The following RIPK4 variants were observed in gnomAD, a reference collection of about 807,000 sequenced individuals.
RIPK4 encodes receptor-interacting serine/threonine-protein kinase 4.
In RIPK4, 17 loss-of-function variants were observed where a neutral mutation model predicts 42.9. That is an observed-to-expected ratio of 0.40 (90% CI 0.27 to 0.59). The LOEUF (loss-of-function observed/expected upper bound fraction) is 0.59, where lower values mean the gene tolerates loss of function less well. Ranked by LOEUF, RIPK4 falls within the 20% of genes least tolerant of loss-of-function variation. The probability of loss-of-function intolerance (pLI) is 0.47; values close to 1 mark genes in which losing one functional copy is unlikely to be tolerated. For missense variants in RIPK4, 897 were observed against 1,104.4 expected (o/e 0.81, Z 2.66); for synonymous variants, 498 against 499.1 (o/e 1.00, Z 0.03).
At chr21:41,766,778 G>C in intron 1 of RIPK4, 82 bp downstream of exon 1, 1 of 1,415,344 alleles carries the variant, frequency 7.1e-7, no homozygotes. Flanking sequence ...GGAGAGAGAG[G>C]CAGGACCCCG....
chr21:41,749,295 TCTGAA>T, intron 3 of RIPK4, 92 bp from the exon 4 acceptor site: 1 of 1,236,638 alleles, frequency 8.1e-7, no homozygotes, highest in Non-Finnish European at 1.2e-6. Flanking sequence ...AGACACCTGT[TCTGAA>T]GCCTTCCAAA....
At chr21:41,754,707 A>G (rs1221728251) in intron 2 of RIPK4, among the ~76,000 whole-genome samples, 1 of 152,172 alleles carries the variant, frequency 6.6e-6, no homozygotes. Context: ...CCCTGTGTGA[A>G]GGCCCAGCCC....
chr21:41,741,485 C>T lies in RIPK4; in HGVS notation c.1708G>A (p.Ala570Thr). 1.2e-6 allele frequency: 2 copies of T among 1,612,620 alleles called. No individual in the cohort carries two copies. The highest frequency in any genetic ancestry group is 1.3e-5 in the African/African-American group (1 of 75,078). Residue 570 changes from alanine (A) to threonine (T), a missense_variant, in exon 8 of 8, where the codon GCC becomes ACC. Physicochemically the swap from Ala to Thr is moderately conservative, Grantham distance 58. Transcript: ENST00000332512. ...GVDVSLQGKD[A>T]WLPLHYAAWQ... ...GCAGCGTAGTGCAGTGGCAGCCAGG[C>T]ATCCTTGCCCTGCAGGCTCACGTCC...
At chr21:41,745,280 C>T (rs2061167146) in intron 6 of RIPK4, among the ~76,000 whole-genome samples, 1 of 152,212 alleles carries the variant, frequency 6.6e-6, no homozygotes, top group Admixed American at 6.5e-5. Context: ...CACAGGTCTG[C>T]TCCAGCCTCA....
intron 1 of RIPK4, among the ~76,000 whole-genome samples, chr21:41,762,966 C>T (rs868560312): frequency 1.3e-5 from 2 of 151,808 alleles, no homozygotes; most frequent in African/African-American, 2.4e-5. Flanking sequence ...TTAATTAAAA[C>T]ACAACCTAAA....
chr21:41,754,339 G>A (rs890562405), intron 2 of RIPK4, among the ~76,000 whole-genome samples: 3 of 152,152 alleles, frequency 2.0e-5, no homozygotes, highest in African/African-American at 4.8e-5. Flanking sequence ...GGTATTTTTC[G>A]GTTTGTTTTT....
intron 6 of RIPK4, 30 bp downstream of exon 6, chr21:41,745,729 C>G: frequency 6.4e-7 from 1 of 1,564,276 alleles, no homozygotes; most frequent in Non-Finnish European, 8.8e-7. Flanking sequence ...GCCGAGGAGA[C>G]AAAAGACCCC....
chr21:41,752,014 A>G (rs1369189237), intron 2 of RIPK4, among the ~76,000 whole-genome samples: 1 of 151,658 alleles, frequency 6.6e-6, no homozygotes, highest in South Asian at 2.1e-4. Flanking sequence ...GTGACCTTGG[A>G]GCTCACTGGG....
At chr21:41,752,237 C>T (rs2061190732) in intron 2 of RIPK4, among the ~76,000 whole-genome samples, 1 of 152,162 alleles carries the variant, frequency 6.6e-6, no homozygotes, top group African/African-American at 2.4e-5. Flanking sequence ...TTTAAAAACC[C>T]TTTTCATTAA....
At position 41,743,932 on chromosome 21, in the gene RIPK4, G is replaced by A. The variant is rs1231574122; in HGVS notation, c.1145C>T (p.Ser382Phe). ...SGVSSVDSAF[S>F]SRGSLSLSFE... ...GGACAGCGACAGTGATCCTCTGGAA[G>A]AGAAGGCGGAGTCCACCGAGGACAC... The change falls in exon 7 of 8, where the codon TCT becomes TTT. Residue 382 changes from serine to phenylalanine, a missense_variant. Coordinates refer to ENST00000332512, the MANE Select transcript of RIPK4 (RefSeq NM_020639.3). 2 of 1,612,900 alleles carry A rather than the reference G, an allele frequency of 1.2e-6. No homozygotes were observed.
intron 1 of RIPK4, among the ~76,000 whole-genome samples, chr21:41,762,077 G>A (rs555974324): frequency 2.0e-5 from 3 of 152,166 alleles, no homozygotes; most frequent in Non-Finnish European, 2.9e-5. Flanking sequence ...ATCTCCTAAC[G>A]GAGTCCACCC....
At chr21:41,745,616 T>G in intron 6 of RIPK4, 143 bp downstream of exon 6, 1 of 642,940 alleles carries the variant, frequency 1.6e-6, no homozygotes, top group South Asian at 1.9e-5. Context: ...GGACCTACAC[T>G]TCTAATGGAG....
intron 1 of RIPK4, among the ~76,000 whole-genome samples, chr21:41,758,132 T>C (rs2061210870): frequency 6.7e-6 from 1 of 148,392 alleles, no homozygotes; most frequent in South Asian, 2.1e-4. Context: ...TTCACAGGTG[T>C]ACAATTCCCT....
intron 1 of RIPK4, among the ~76,000 whole-genome samples, chr21:41,762,841 G>A (rs1406789187): frequency 6.6e-6 from 1 of 152,174 alleles, no homozygotes; most frequent in Non-Finnish European, 1.5e-5. Context: ...TGGGGTGGCG[G>A]CCAGGGAGCA....
intron 1 of RIPK4, among the ~76,000 whole-genome samples, chr21:41,763,349 A>ATTT (rs2061226607): frequency 6.6e-6 from 1 of 152,162 alleles, no homozygotes; most frequent in Admixed American, 6.5e-5. Context: ...GGAACTTCTA[A>ATTT]AGAAGTCCCA....
At chr21:41,749,047 A>G (rs1465273108) in intron 4 of RIPK4, 107 bp downstream of exon 4, 2 of 1,141,170 alleles carry the variant, frequency 1.8e-6, no homozygotes, top group African/African-American at 1.5e-5. Flanking sequence ...CACCTATGGC[A>G]GCGTGGATCA....
intron 4 of RIPK4, 145 bp from the exon 5 acceptor site, chr21:41,746,916 A>G: frequency 1.1e-6 from 1 of 879,272 alleles, no homozygotes. Flanking sequence ...ACTCCGTTTC[A>G]AAGGCAGAGC....
chr21:41,745,966 G>A lies in RIPK4; in HGVS notation c.833-104C>T, dbSNP rs1028844741. The A allele has an allele frequency of 5.1e-5, 50 of 980,112 alleles. No homozygotes were observed. In the East Asian group the frequency reaches 5.5e-4, roughly 11 times the overall value. 60.7% of individuals were successfully genotyped at this position (980,112 alleles called of 1,614,324 possible). On this transcript the variant is annotated intron_variant, in intron 5 of 7. Transcript: ENST00000332512. ...CCACGAGCTGGGGGATTTCTCACAC[G>A]CCTCGGCCCAGCCTGAGCTCACCAG... is the stretch of plus-strand genomic sequence containing the variant.
At chr21:41,765,021 C>G (rs533963104) in intron 1 of RIPK4, among the ~76,000 whole-genome samples, 1 of 152,308 alleles carries the variant, frequency 6.6e-6, no homozygotes, top group East Asian at 1.9e-4. Context: ...CTAAGTGATC[C>G]ACCTTAAGTG....
Sources: gnomAD v4.1 joint callset for allele counts (sites outside exome capture counted in the v4.1 genomes callset) on GRCh38, gnomAD v4.1.1 for gene constraint, MANE v1.5 for transcripts, NCBI Gene and HGNC (gene_info 2026-07-23, HGNC 2026-07-21) for gene names.